The following VPS53 variants were observed in gnomAD, a reference collection of about 807,000 sequenced individuals.
VPS53 encodes the protein vacuolar protein sorting-associated protein 53 homolog.
In VPS53, 70 loss-of-function variants were observed where a neutral mutation model predicts 107.0. The ratio of observed to expected loss-of-function variants is 0.65; its 90% CI spans 0.54 to 0.80. The LOEUF (loss-of-function observed/expected upper bound fraction) is 0.80. Among genes scored for constraint, VPS53 ranks in the 30% least tolerant of loss-of-function variants. The probability of loss-of-function intolerance (pLI) is 0.00; values close to 1 mark genes in which losing one functional copy is unlikely to be tolerated. For missense variants in VPS53, 917 were observed against 1,049.4 expected (o/e 0.87, Z 1.74); for synonymous variants, 409 against 393.3 (o/e 1.04, Z -0.47).
intron 18 of VPS53, among the ~76,000 whole-genome samples, chr17:536,180 G>A (rs1910045672): frequency 6.6e-6 from 1 of 152,152 alleles, no homozygotes; most frequent in Non-Finnish European, 1.5e-5. Context: ...GACACAGCAG[G>A]AAGACACACG....
chr17:524,857 A>C lies in VPS53; in HGVS notation c.2086-3119T>G, dbSNP rs900947461. Among the ~76,000 whole-genome samples, 2 of 152,248 alleles carry C rather than the reference A, an allele frequency of 1.3e-5. No individual in the cohort carries two copies. ...TGAAATTCAGACTAGTGGTGACAGT[A>C]GAAGTTAGTTCAAGCACGTTGGGGG... On this transcript the variant is annotated intron_variant, in intron 19 of 21. Coordinates refer to ENST00000437048, the MANE Select transcript of VPS53 (RefSeq NM_001128159.3). This position sits in a 1 kb window ranked among gnomAD's most constrained non-coding sequence, Gnocchi z 4.5.
At chr17:563,255 T>C (rs1457205351) in intron 13 of VPS53, among the ~76,000 whole-genome samples, 28 of 151,768 alleles carry the variant, frequency 1.8e-4, no homozygotes, top group Admixed American at 1.8e-3. Context: ...ATTATGTCCA[T>C]GCTTTATACC....
chr17:650,988 A>G (rs765968519), intron 7 of VPS53, among the ~76,000 whole-genome samples: 2 of 152,258 alleles, frequency 1.3e-5, no homozygotes, highest in Non-Finnish European at 2.9e-5. Context: ...TAGTTAAAAC[A>G]AAACAAAGCA....
chr17:650,357 CA>C, intron 7 of VPS53, among the ~76,000 whole-genome samples: 1 of 151,924 alleles, frequency 6.6e-6, no homozygotes, highest in Non-Finnish European at 1.5e-5. Flanking sequence ...ATCAGCCAGG[CA>C]TGGTGGTATT....
intron 10 of VPS53, among the ~76,000 whole-genome samples, chr17:625,291 A>G (rs969735795): frequency 6.6e-6 from 1 of 151,958 alleles, no homozygotes; most frequent in African/African-American, 2.4e-5. Context: ...GCCTGGCCCA[A>G]TGTGTTTCTT....
rs1361177687 is a variant in VPS53, at chr17:564,502, T to C, written c.1314-1757A>G. ...TTGCAGTGAGCTGAGACTGCACCAC[T>C]GCCCTCCAGCCTGGGCAACAAAGTG... On this transcript the variant is annotated intron_variant, in intron 13 of 21. Coordinates refer to ENST00000437048, the MANE Select transcript of VPS53 (RefSeq NM_001128159.3). Among the ~76,000 whole-genome samples the C allele has an allele frequency of 2.8e-5, 4 of 143,490 alleles. No homozygotes were observed. In the East Asian group the frequency reaches 8.4e-4, roughly 30 times the overall value. 94.1% of individuals were successfully genotyped at this position (143,490 alleles called of 152,430 possible).
At chr17:695,289 C>A (rs970728816) in intron 4 of VPS53, among the ~76,000 whole-genome samples, 1 of 152,096 alleles carries the variant, frequency 6.6e-6, no homozygotes, top group African/African-American at 2.4e-5. Context: ...ATTCTGATTC[C>A]TTGGTGTATT....
chr17:577,059 T>G (rs2151874220), intron 13 of VPS53, among the ~76,000 whole-genome samples: 1 of 143,038 alleles, frequency 7.0e-6, no homozygotes, highest in Non-Finnish European at 1.5e-5. Context: ...CCAGAGAACC[T>G]CTCAGAGAAC....
At chr17:637,788 G>A (rs865852380) in intron 7 of VPS53, among the ~76,000 whole-genome samples, 2 of 152,148 alleles carry the variant, frequency 1.3e-5, no homozygotes, top group African/African-American at 2.4e-5. Context: ...GAGACAGTTC[G>A]TTATAATTTC....
intron 13 of VPS53, among the ~76,000 whole-genome samples, chr17:572,363 G>A (rs1017959554): frequency 6.6e-6 from 1 of 151,348 alleles, no homozygotes; most frequent in Non-Finnish European, 1.5e-5. Flanking sequence ...CCCCGTCTGA[G>A]AAGTGAGGAG....
chr17:593,373 A>G (rs201328712), intron 12 of VPS53, among the ~76,000 whole-genome samples: 5 of 152,172 alleles, frequency 3.3e-5, no homozygotes, highest in Admixed American at 1.3e-4. Context: ...TGAACAGGCA[A>G]CTACAAAATG....
intron 7 of VPS53, among the ~76,000 whole-genome samples, chr17:647,816 C>T (rs1970769443): frequency 6.6e-6 from 1 of 152,176 alleles, no homozygotes; most frequent in Admixed American, 6.5e-5. Context: ...AATCCAAATC[C>T]AGACAAGAAA....
chr17:657,818 G>C (rs533587806), intron 5 of VPS53, among the ~76,000 whole-genome samples: 2 of 152,150 alleles, frequency 1.3e-5, no homozygotes, highest in Admixed American at 6.5e-5. Flanking sequence ...TGAGAAACTC[G>C]GCCGTTGAGG....
chr17:578,043 C>A (rs1452195571), intron 13 of VPS53, among the ~76,000 whole-genome samples: 3 of 151,758 alleles, frequency 2.0e-5, no homozygotes, highest in African/African-American at 7.3e-5. Context: ...GACCTCAATG[C>A]GTTTTCAGAG....
intron 4 of VPS53, among the ~76,000 whole-genome samples, chr17:662,452 G>A (rs1330098798): frequency 1.3e-5 from 2 of 152,170 alleles, no homozygotes; most frequent in Admixed American, 1.3e-4. Context: ...CACTTTGGGA[G>A]GCCAAGGCGG....
In VPS53 at chr17:512,691, T is replaced by C. The variant is rs1176910232; in HGVS notation, c.*6437A>G. The C allele has an allele frequency of 6.6e-6, 1 of 152,160 alleles. No homozygotes were observed. The highest frequency in any genetic ancestry group is 1.5e-5 in the Non-Finnish European group (1 of 68,050). The allele number at this position is 152,160 out of a possible 1,614,324, so 9.4% of individuals were successfully genotyped here. On this transcript the variant is annotated 3_prime_UTR_variant, in exon 22 of 22. Transcript: ENST00000437048. ...AGCCTAATGGAAGGGCCGCAGCCAG[T>C]TTTCCCCTGTTGAAAGGACACAGGA...
chr17:590,413 T>C (rs1485467313), intron 12 of VPS53, among the ~76,000 whole-genome samples: 2 of 151,458 alleles, frequency 1.3e-5, no homozygotes, highest in Non-Finnish European at 3.0e-5. Flanking sequence ...TCCAACACTA[T>C]GTTGAATAGG....
At chr17:565,778 T>C (rs1335826245) in intron 13 of VPS53, among the ~76,000 whole-genome samples, 1 of 151,884 alleles carries the variant, frequency 6.6e-6, no homozygotes, top group Non-Finnish European at 1.5e-5. Flanking sequence ...GCCAAAACGC[T>C]CTCCCACCAC....
intron 4 of VPS53, among the ~76,000 whole-genome samples, chr17:694,747 G>A (rs1224336744): frequency 6.6e-6 from 1 of 152,184 alleles, no homozygotes; most frequent in Non-Finnish European, 1.5e-5. Context: ...ATTCAATACA[G>A]TTGCATAAAA....
Sources: allele counts gnomAD v4.1 joint callset (sites outside exome capture counted in the v4.1 genomes callset), GRCh38; gene constraint gnomAD v4.1.1; non-coding constraint Gnocchi (gnomAD v3.1); transcripts MANE v1.5; gene names NCBI Gene and HGNC (gene_info 2026-07-23, HGNC 2026-07-21).